HLCS: variants seen among roughly 807,000 people sequenced by gnomAD.
HLCS encodes the protein holocarboxylase synthetase.
HLCS carries 53 observed loss-of-function variants against 75.0 expected under a neutral mutation model. The observed-to-expected ratio is 0.71, with a 90% confidence interval of 0.57 to 0.89. The LOEUF is 0.89. Ranked by LOEUF, HLCS falls within the 40% of genes least tolerant of loss-of-function variation. The pLI, the probability that HLCS is intolerant of heterozygous loss-of-function variation, is 0.00. For missense variants in HLCS, 966 were observed against 1,074.0 expected (o/e 0.90, Z 1.41); for synonymous variants, 431 against 428.6 (o/e 1.01, Z -0.07).
At chr21:36,875,949 C>T (rs1199980467) in intron 6 of HLCS, among the ~76,000 whole-genome samples, 2 of 151,814 alleles carry the variant, frequency 1.3e-5, no homozygotes, top group Non-Finnish European at 2.9e-5. Context: ...CTGGATGCCA[C>T]CACATTCCCC....
At chr21:36,766,730 C>T (rs913894463) in intron 7 of HLCS, among the ~76,000 whole-genome samples, 1 of 151,998 alleles carries the variant, frequency 6.6e-6, no homozygotes, top group African/African-American at 2.4e-5. Context: ...CCCTGGGCAG[C>T]GCTCTGCTTC....
chr21:36,895,062 C>T (rs1479949747), intron 6 of HLCS, among the ~76,000 whole-genome samples: 5 of 151,950 alleles, frequency 3.3e-5, no homozygotes, highest in African/African-American at 9.7e-5. Flanking sequence ...CTTGGTGACG[C>T]GCTGCCCTCT....
intron 5 of HLCS, among the ~76,000 whole-genome samples, chr21:36,916,517 AATTTT>A (rs2065938019): frequency 2.9e-5 from 4 of 136,540 alleles, no homozygotes; most frequent in Non-Finnish European, 4.7e-5. Context: ...ATGCCTAGCT[AATTTT>A]TTTTTTTTTT....
chr21:36,917,799 G>A (rs184535567), intron 5 of HLCS, among the ~76,000 whole-genome samples: 254 of 152,090 alleles, frequency 1.7e-3, no homozygotes, highest in Non-Finnish European at 2.9e-3. Flanking sequence ...CTGAAAGCTC[G>A]GACCTTCCCT....
intron 6 of HLCS, among the ~76,000 whole-genome samples, chr21:36,772,638 C>CAAAAA (rs34788426): frequency 4.9e-5 from 4 of 80,836 alleles, no homozygotes; most frequent in South Asian, 4.2e-4. Context: ...GACACTGTCT[C>CAAAAA]AAAAAAAAAA....
chr21:36,836,712 C>A (rs981488825), intron 6 of HLCS, among the ~76,000 whole-genome samples: 3 of 151,814 alleles, frequency 2.0e-5, no homozygotes, highest in African/African-American at 7.3e-5. Flanking sequence ...AGGACATGAA[C>A]AGACACTTCT....
At chr21:36,782,711 G>A (rs1030376557) in intron 6 of HLCS, among the ~76,000 whole-genome samples, 3 of 152,198 alleles carry the variant, frequency 2.0e-5, no homozygotes, top group African/African-American at 7.2e-5. Flanking sequence ...GCTCATGCCT[G>A]TAATCCCAGC....
intron 10 of HLCS, among the ~76,000 whole-genome samples, chr21:36,756,219 A>G (rs1328801238): frequency 1.3e-5 from 2 of 152,016 alleles, no homozygotes; most frequent in Non-Finnish European, 2.9e-5. Flanking sequence ...CGGGCAGATC[A>G]CAAGGTCAGG....
rs1029001515 is a variant in HLCS, at chr21:36,780,296, G to A, written c.1893-13011C>T. On this transcript the variant is annotated intron_variant, in intron 6 of 10. Transcript: ENST00000674895. ...CTCACTCTGTTGCCCAGGCTGGAGT[G>A]CAGTGGCGCGATCCCAGGTTCACAC... is the stretch of plus-strand genomic sequence containing the variant. 7.2e-5 allele frequency among the ~76,000 whole-genome samples: 11 copies of A among 152,220 alleles called. 1 individual carries two copies. Among genetic ancestry groups the A allele is most frequent in the South Asian group, 6.2e-4 (3 of 4,814 alleles).
intron 6 of HLCS, among the ~76,000 whole-genome samples, chr21:36,860,435 A>C (rs1339123590): frequency 1.3e-5 from 2 of 152,226 alleles, no homozygotes; most frequent in Non-Finnish European, 2.9e-5. Context: ...AGGACTGGTC[A>C]GATCAACATG....
At chr21:36,791,581 T>C (rs2060865683) in intron 6 of HLCS, among the ~76,000 whole-genome samples, 1 of 152,094 alleles carries the variant, frequency 6.6e-6, no homozygotes, top group South Asian at 2.1e-4. Flanking sequence ...CGGTGTGGAT[T>C]TTTCTCACCC....
At chr21:36,914,631 A>C (rs2065852395) in intron 5 of HLCS, among the ~76,000 whole-genome samples, 1 of 152,210 alleles carries the variant, frequency 6.6e-6, no homozygotes, top group South Asian at 2.1e-4. Context: ...GGCTGGTTTT[A>C]TAGGCATCAC....
intron 6 of HLCS, among the ~76,000 whole-genome samples, chr21:36,860,789 T>C (rs1390951512): frequency 6.6e-6 from 1 of 152,256 alleles, no homozygotes; most frequent in African/African-American, 2.4e-5. Context: ...GGGTAATAAA[T>C]GTTTCCCAGT....
chr21:36,910,323 T>A (rs888649081), intron 5 of HLCS, among the ~76,000 whole-genome samples: 4 of 152,108 alleles, frequency 2.6e-5, no homozygotes, highest in African/African-American at 7.2e-5. Context: ...GGTGGGTGGA[T>A]CACCTGAGGT....
chr21:36,930,385 C>T lies in HLCS; in HGVS notation c.1486G>A (p.Asp496Asn). ...TTGCTTGACTTGAGCAAGTTAAAATCTTCTGGAGTTTGCACTATGTTGGAG... is the reference window on the plus strand; with the variant it reads ...TTGCTTGACTTGAGCAAGTTAAAATTTTCTGGAGTTTGCACTATGTTGGAG... ...PSSNIVQTPE[D>N]FNLLKSSNFR... Residue 496 changes from aspartate to asparagine, a missense_variant, in exon 5 of 11, where the codon GAT becomes AAT. Physicochemically the swap from Asp to Asn is conservative, Grantham distance 23. Coordinates refer to ENST00000674895, the MANE Select transcript of HLCS (RefSeq NM_001352514.2). 1 of 1,614,152 alleles carries T rather than the reference C, an allele frequency of 6.2e-7. No individual in the cohort carries two copies. Among genetic ancestry groups the T allele is most frequent in the Non-Finnish European group, 8.5e-7 (1 of 1,180,008 alleles).
chr21:36,936,512 G>A lies in HLCS; in HGVS notation c.1374C>T (p.Asp458=), dbSNP rs771883068. 3 of 1,614,158 alleles carry A rather than the reference G, an allele frequency of 1.9e-6. No homozygotes were observed. The highest frequency in any genetic ancestry group is 2.5e-6 in the Non-Finnish European group (3 of 1,180,040). The change falls in exon 4 of 11, where the codon GAC becomes GAT. Residue 458 remains aspartate, a synonymous_variant. Transcript: ENST00000674895. The stretch of plus-strand genomic sequence containing the variant: ...GCACATGCACAATCATCCTGTCCTT[G>A]TCCTCATTCTCCAGGTGGCCCTGGA... The part of the protein sequence containing the change: ...GRLQGHLENE[D]KDRMIVHVPF...
chr21:36,759,711 G>A lies in HLCS; in HGVS notation c.2236+16C>T, dbSNP rs1184272414. On this transcript the variant is annotated intron_variant, in intron 9 of 10. Transcript: ENST00000674895. ...ATTAATCTAAAAATGCTGGGGGAAA[G>A]GTTTTTGAAACTTACCAATAAGTAT... 8 of 1,415,722 alleles carry A rather than the reference G, an allele frequency of 5.7e-6. No homozygotes were observed. The East Asian group carries it at 1.6e-4, about 28-fold the overall frequency. The allele number at this position is 1,415,722 out of a possible 1,614,324, so 87.7% of individuals were successfully genotyped here.
At position 36,931,641 on chromosome 21, in the gene HLCS, T is replaced by C. The variant is rs2066646663; in HGVS notation, c.1438-1208A>G. 2.6e-5 allele frequency among the ~76,000 whole-genome samples: 4 copies of C among 151,664 alleles called. No individual in the cohort carries two copies. The South Asian group carries it at 8.3e-4, about 32-fold the overall frequency. ...TGGTGCGGCTGTAGTCCCAACTACTTGGGAGGCTGAGCTGGGAGGATCCCT... is the reference window on the plus strand; with the variant it reads ...TGGTGCGGCTGTAGTCCCAACTACTCGGGAGGCTGAGCTGGGAGGATCCCT... On this transcript the variant is annotated intron_variant, in intron 4 of 10. Transcript: ENST00000674895.
At position 36,748,791 on chromosome 21, in the gene HLCS, T is replaced by A. The variant is rs1388348433; in HGVS notation, c.*5455A>T. The A allele has an allele frequency of 1.0e-4, 16 of 152,628 alleles. No homozygotes were observed. The highest frequency in any genetic ancestry group is 1.0e-3 in the Admixed American group (16 of 15,282). 9.5% of individuals were successfully genotyped at this position (152,628 alleles called of 1,614,324 possible). Reference sequence around the variant, plus strand: ...CCCCCTAACCCCTATGAACTCTTGATAACACCAAGAGTAGCACCTTCAGAA... The same window carrying A: ...CCCCCTAACCCCTATGAACTCTTGAAAACACCAAGAGTAGCACCTTCAGAA... On this transcript the variant is annotated 3_prime_UTR_variant, in exon 11 of 11. Transcript: ENST00000674895.
Sources: gnomAD v4.1 joint callset for allele counts (sites outside exome capture counted in the v4.1 genomes callset) on GRCh38, gnomAD v4.1.1 for gene constraint, MANE v1.5 for transcripts, NCBI Gene and HGNC (gene_info 2026-07-23, HGNC 2026-07-21) for gene names.